LARGE1: variants seen among roughly 807,000 people sequenced by gnomAD.
LARGE1 encodes the protein LARGE xylosyl- and glucuronyltransferase 1.
LARGE1 carries 43 observed loss-of-function variants against 87.6 expected under a neutral mutation model. That is an observed-to-expected ratio of 0.49 (90% CI 0.38 to 0.63). LARGE1 has a LOEUF of 0.63. Among genes scored for constraint, LARGE1 ranks in the 30% least tolerant of loss-of-function variants. LARGE1 has a pLI of 0.00. For synonymous variants in LARGE1, 434 were observed against 394.6 expected (o/e 1.10, Z -1.18); for missense variants, 802 against 1,000.2 (o/e 0.80, Z 2.67).
At chr22:33,461,978 C>A (rs971575420) in intron 6 of LARGE1, among the ~76,000 whole-genome samples, 29 of 152,324 alleles carry the variant, frequency 1.9e-4, no homozygotes, top group African/African-American at 7.0e-4. Context: ...ATTTGCCTAG[C>A]TGAGCTCCTC....
At chr22:33,476,643 T>A (rs1229507406) in intron 6 of LARGE1, among the ~76,000 whole-genome samples, 1 of 152,334 alleles carries the variant, frequency 6.6e-6, no homozygotes, top group South Asian at 2.1e-4. Context: ...TGGGTTCATA[T>A]GTCCTTTAAA....
At chr22:33,070,363 C>A in the LARGE1 span, among the ~76,000 whole-genome samples, 2 of 152,168 alleles carry the variant, frequency 1.3e-5, no homozygotes, top group African/African-American at 4.8e-5. Context: ...TGACTTCGAT[C>A]CCTCTGGGGA....
At chr22:33,378,500 A>G (rs1338308373) in intron 9 of LARGE1, among the ~76,000 whole-genome samples, 34 of 152,168 alleles carry the variant, frequency 2.2e-4, no homozygotes, top group Non-Finnish European at 5.9e-5. Flanking sequence ...TAGTATTTCA[A>G]CAGAATAATT....
chr22:33,450,308 T>G (rs2067858227), intron 6 of LARGE1, among the ~76,000 whole-genome samples: 1 of 152,018 alleles, frequency 6.6e-6, no homozygotes, highest in Non-Finnish European at 1.5e-5. Context: ...ACTTCTCATT[T>G]GAATGATGAG....
intron 4 of LARGE1, among the ~76,000 whole-genome samples, chr22:33,606,392 G>C (rs1288550538): frequency 6.7e-6 from 1 of 148,770 alleles, no homozygotes; most frequent in Non-Finnish European, 1.5e-5. Flanking sequence ...GTGATGGAGC[G>C]AGACCCCATC....
chr22:33,104,948 TC>T, the LARGE1 span, among the ~76,000 whole-genome samples: 293 of 137,326 alleles, frequency 2.1e-3, 1 homozygote, highest in Middle Eastern at 3.6e-3. Flanking sequence ...TCTTTCTTTC[TC>T]TTTCTCTCTT....
chr22:33,584,660 T>C (rs73882274), intron 5 of LARGE1, among the ~76,000 whole-genome samples: 1 of 149,318 alleles, frequency 6.7e-6, no homozygotes, highest in Admixed American at 6.7e-5. Context: ...AGCCAGCTGG[T>C]TTCCCTGTGC....
intron 2 of LARGE1, among the ~76,000 whole-genome samples, chr22:33,712,513 T>A (rs531513203): frequency 1.3e-5 from 2 of 152,070 alleles, no homozygotes; most frequent in African/African-American, 4.8e-5. Context: ...CACTCCATCA[T>A]CAATGGAAAT....
chr22:33,815,016 G>A (rs2086608445), intron 1 of LARGE1, among the ~76,000 whole-genome samples: 1 of 152,166 alleles, frequency 6.6e-6, no homozygotes, highest in Admixed American at 6.5e-5. Flanking sequence ...CTTTCCGCAA[G>A]ACACACTGCC....
At chr22:33,542,453 G>A (rs2077239861) in intron 6 of LARGE1, among the ~76,000 whole-genome samples, 1 of 151,724 alleles carries the variant, frequency 6.6e-6, no homozygotes. Context: ...GGTGACTTCA[G>A]GGTCCCTCTT....
At position 33,623,761 on chromosome 22, in the gene LARGE1, T is replaced by C. The variant is rs955703970; in HGVS notation, c.491+2483A>G. On this transcript the variant is annotated intron_variant, in intron 4 of 14. Coordinates refer to ENST00000397394, the MANE Select transcript of LARGE1 (RefSeq NM_133642.5). ...AAAGAGTTAAAATGGCTGGGGGCGG[T>C]GGCTCACACCTGTAATCCCAGCACT... Among the ~76,000 whole-genome samples the C allele has an allele frequency of 1.8e-4, 27 of 146,274 alleles. No homozygotes were observed. The East Asian group carries it at 5.0e-3, about 27-fold the overall frequency.
intron 6 of LARGE1, among the ~76,000 whole-genome samples, chr22:33,514,264 C>T (rs146670202): frequency 1.5e-4 from 20 of 130,068 alleles, no homozygotes; most frequent in East Asian, 4.8e-4. Flanking sequence ...TTCTTTCAGT[C>T]GGCTAGTCTA....
At chr22:33,279,608 T>A (rs1263272546) in intron 13 of LARGE1, among the ~76,000 whole-genome samples, 1 of 152,168 alleles carries the variant, frequency 6.6e-6, no homozygotes. Context: ...GGGCAGGAAC[T>A]TGAACTTCAG....
intron 12 of LARGE1, among the ~76,000 whole-genome samples, chr22:33,296,718 A>T (rs1933325800): frequency 6.6e-6 from 1 of 151,974 alleles, no homozygotes; most frequent in Non-Finnish European, 1.5e-5. Flanking sequence ...ACAGGCATGC[A>T]CCACCACGTC....
At chr22:33,512,191 C>G (rs1398627032) in intron 6 of LARGE1, among the ~76,000 whole-genome samples, 4 of 152,150 alleles carry the variant, frequency 2.6e-5, no homozygotes, top group Non-Finnish European at 5.9e-5. Context: ...AATTCAAATC[C>G]TTTGACCCAG....
intron 2 of LARGE1, among the ~76,000 whole-genome samples, chr22:33,652,771 C>T (rs2080858297): frequency 1.3e-5 from 2 of 152,168 alleles, no homozygotes; most frequent in South Asian, 2.1e-4. Context: ...CTTGTGTCGG[C>T]CTCTGCCCAG....
At chr22:33,518,323 G>A (rs542796759) in intron 6 of LARGE1, among the ~76,000 whole-genome samples, 2 of 152,296 alleles carry the variant, frequency 1.3e-5, no homozygotes, top group African/African-American at 4.8e-5. Flanking sequence ...GCAGACACAG[G>A]ATTTGTTTTT....
chr22:33,559,122 C>A (rs900293455), intron 6 of LARGE1, among the ~76,000 whole-genome samples: 1 of 152,202 alleles, frequency 6.6e-6, no homozygotes, highest in East Asian at 1.9e-4. Flanking sequence ...AGAGGCTGGG[C>A]AGTCCAAGAT....
At chr22:33,169,899 C>G (rs10483170) in intron 11 of LARGE1, among the ~76,000 whole-genome samples, 12,984 of 152,026 alleles carry the variant, frequency 0.085, 745 homozygotes, top group Middle Eastern at 0.2. Flanking sequence ...ACTGAGACAC[C>G]AGGGAAATCC....
Sources: gnomAD v4.1 joint callset for allele counts (sites outside exome capture counted in the v4.1 genomes callset) on GRCh38, gnomAD v4.1.1 for gene constraint, MANE v1.5 for transcripts, NCBI Gene and HGNC (gene_info 2026-07-23, HGNC 2026-07-21) for gene names.